Variants in RARB observed in about 807,000 individuals in gnomAD.
RARB encodes the protein retinoic acid receptor beta.
RARB carries 17 observed loss-of-function variants against 51.9 expected under a neutral mutation model. The ratio of observed to expected loss-of-function variants is 0.33; its 90% CI spans 0.22 to 0.49. The LOEUF is 0.49. Ranked by LOEUF, RARB falls within the 20% of genes least tolerant of loss-of-function variation. RARB has a pLI of 0.99. For missense variants in RARB, 369 were observed against 550.8 expected, an observed-to-expected ratio of 0.67 and a Z score of 3.30; for synonymous variants, 215 against 195.4, an observed-to-expected ratio of 1.10 and a Z score of -0.84.
At chr3:24,892,634 C>T (rs936603936) in intron 2 of RARB, among the ~76,000 whole-genome samples, 3 of 152,146 alleles carry the variant, frequency 2.0e-5, no homozygotes, top group African/African-American at 7.2e-5. Flanking sequence ...TCCTGGAATG[C>T]AAGAACTCTG....
rs937175926 is a variant in RARB, at chr3:25,235,018, T to C, written c.178+60443T>C. Among the ~76,000 whole-genome samples the C allele has an allele frequency of 5.3e-5, 8 of 152,262 alleles. No individual in the cohort carries two copies. In the East Asian group the frequency reaches 5.8e-4, roughly 11 times the overall value. On this transcript the variant is annotated intron_variant, in intron 5 of 11. Transcript: ENST00000383772. ...TACTTCCCCTGCAACTTCCAGTTCA[T>C]AGGGGGCCCCCTTTTTGGATCTCTG...
At chr3:25,503,725 T>G (rs556288858) in intron 3 of RARB, among the ~76,000 whole-genome samples, 2 of 152,216 alleles carry the variant, frequency 1.3e-5, no homozygotes, top group African/African-American at 4.8e-5. Context: ...TCTAATTGGA[T>G]ATTTTTAAAG....
chr3:25,052,278 C>T (rs1698347883), intron 2 of RARB, among the ~76,000 whole-genome samples: 3 of 152,104 alleles, frequency 2.0e-5, no homozygotes, highest in African/African-American at 7.2e-5. Flanking sequence ...GATTCCCAAG[C>T]CTCTACTGTT....
intron 3 of RARB, among the ~76,000 whole-genome samples, chr3:25,100,483 T>G (rs1359563178): frequency 2.0e-5 from 3 of 152,112 alleles, no homozygotes. Flanking sequence ...AGAGAAGACT[T>G]TAAGCTCAGA....
At chr3:25,152,740 CTG>C (rs1700310395) in intron 4 of RARB, among the ~76,000 whole-genome samples, 1 of 152,086 alleles carries the variant, frequency 6.6e-6, no homozygotes, top group South Asian at 2.1e-4. Context: ...ATTTTGGAGT[CTG>C]TAATTGTGAG....
chr3:25,297,058 C>G (rs75751556), intron 5 of RARB, among the ~76,000 whole-genome samples: 2 of 152,056 alleles, frequency 1.3e-5, no homozygotes, highest in African/African-American at 4.8e-5. Context: ...GGCTAAAGAC[C>G]GAAGTCTTTT....
chr3:25,458,144 T>C (rs1172424726), intron 1 of RARB, among the ~76,000 whole-genome samples: 1 of 152,304 alleles, frequency 6.6e-6, no homozygotes, highest in African/African-American at 2.4e-5. Context: ...ATAATTACAC[T>C]TCAGTAATGT....
chr3:24,900,913 C>T (rs1703591862), intron 2 of RARB, among the ~76,000 whole-genome samples: 1 of 152,146 alleles, frequency 6.6e-6, no homozygotes, highest in Admixed American at 6.5e-5. Context: ...AATTCATTTA[C>T]ATAATATGGG....
chr3:24,957,029 T>C (rs1696031771), intron 2 of RARB, among the ~76,000 whole-genome samples: 1 of 152,160 alleles, frequency 6.6e-6, no homozygotes, highest in Non-Finnish European at 1.5e-5. Flanking sequence ...TTCGTACCAA[T>C]CAACTATTAG....
At chr3:25,538,103 C>T (rs1316733250) in intron 3 of RARB, among the ~76,000 whole-genome samples, 1 of 151,948 alleles carries the variant, frequency 6.6e-6, no homozygotes, top group African/African-American at 2.4e-5. Context: ...AATGGTGTTT[C>T]CCAGTAACAA....
chr3:25,417,769 ATT>A (rs763734491), intron 5 of RARB, among the ~76,000 whole-genome samples: 14 of 152,234 alleles, frequency 9.2e-5, no homozygotes, highest in Non-Finnish European at 2.1e-4. Flanking sequence ...TTTTAAACAA[ATT>A]AGAGAGTTGA....
chr3:25,312,656 C>T (rs1479821633), intron 5 of RARB, among the ~76,000 whole-genome samples: 1 of 152,064 alleles, frequency 6.6e-6, no homozygotes, highest in Non-Finnish European at 1.5e-5. Flanking sequence ...AATTATGGCC[C>T]AAACAATAGT....
chr3:25,501,091 A>C, intron 2 of RARB, 91 bp from the exon 3 acceptor site: 1 of 1,426,514 alleles, frequency 7.0e-7, no homozygotes, highest in African/African-American at 1.5e-5. Context: ...TTACTCAAAA[A>C]GAGCAATTAA....
At chr3:25,206,336 A>G (rs1701545428) in intron 5 of RARB, among the ~76,000 whole-genome samples, 1 of 152,198 alleles carries the variant, frequency 6.6e-6, no homozygotes, top group Non-Finnish European at 1.5e-5. Context: ...TAAAGAGGAA[A>G]TCTCGAATGT....
intron 3 of RARB, among the ~76,000 whole-genome samples, chr3:25,094,317 A>T (rs1220360740): frequency 3.9e-5 from 6 of 152,152 alleles, no homozygotes; most frequent in Non-Finnish European, 8.8e-5. Flanking sequence ...ACCCCTATCA[A>T]ATATGCCTAA....
chr3:25,360,486 T>C (rs1274450412), intron 5 of RARB, among the ~76,000 whole-genome samples: 1 of 152,232 alleles, frequency 6.6e-6, no homozygotes, highest in African/African-American at 2.4e-5. Flanking sequence ...TTAAGGTTAA[T>C]ATTGTTATGT....
chr3:25,454,742 C>T (rs1427405065), intron 1 of RARB, among the ~76,000 whole-genome samples: 2 of 151,814 alleles, frequency 1.3e-5, no homozygotes, highest in African/African-American at 2.4e-5. Flanking sequence ...CTTAATCTAA[C>T]CTTTAGAAAA....
intron 5 of RARB, among the ~76,000 whole-genome samples, chr3:25,207,375 C>A (rs964252071): frequency 6.6e-6 from 1 of 152,168 alleles, no homozygotes; most frequent in Admixed American, 6.6e-5. Context: ...AAGTGGTCTG[C>A]TTTTCCCAAG....
chr3:24,921,246 C>T (rs1421208477), intron 2 of RARB, among the ~76,000 whole-genome samples: 1 of 152,082 alleles, frequency 6.6e-6, no homozygotes, highest in South Asian at 2.1e-4. Context: ...CATTGAGATC[C>T]TACCGTGTGT....
Sources: allele counts gnomAD v4.1 joint callset (sites outside exome capture counted in the v4.1 genomes callset), GRCh38; gene constraint gnomAD v4.1.1; transcripts MANE v1.5; gene names NCBI Gene and HGNC (gene_info 2026-07-23, HGNC 2026-07-21).